The following PPP2R1B variants were observed in gnomAD, a reference collection of about 807,000 sequenced individuals.
The protein encoded by PPP2R1B is serine/threonine-protein phosphatase 2A 65 kDa regulatory subunit A beta isoform.
Under a neutral mutation model 72.7 loss-of-function variants are expected in PPP2R1B, and 58 were observed. The ratio of observed to expected loss-of-function variants is 0.80; its 90% CI spans 0.65 to 0.99. The LOEUF (loss-of-function observed/expected upper bound fraction) is 0.99, where lower values mean the gene tolerates loss of function less well. PPP2R1B is among the 50% of genes least tolerant of loss of function. The pLI, the probability that PPP2R1B is intolerant of heterozygous loss-of-function variation, is 0.00. For synonymous variants in PPP2R1B, 256 were observed against 264.6 expected (o/e 0.97, Z 0.32); for missense variants, 695 against 733.6 (o/e 0.95, Z 0.61).
chr11:111,743,679 G>T, intron 11 of PPP2R1B, 149 bp from the exon 12 acceptor site: 1 of 1,002,644 alleles, frequency 1.0e-6, no homozygotes, highest in Non-Finnish European at 1.4e-6. Flanking sequence ...TGACAAGCAT[G>T]CTCAGCTCCA....
downstream of PPP2R1B, among the ~76,000 whole-genome samples, chr11:111,734,888 T>C (rs1478186663): frequency 1.3e-5 from 2 of 152,170 alleles, no homozygotes; most frequent in Admixed American, 6.5e-5. Flanking sequence ...TGCAGCTAGA[T>C]GCTAGAGGCT....
intron 10 of PPP2R1B, 85 bp downstream of exon 10, chr11:111,752,074 T>C: frequency 1.4e-6 from 2 of 1,388,408 alleles, no homozygotes; most frequent in Non-Finnish European, 1.9e-6. Context: ...AACATAAGCA[T>C]ACAGGCTACT....
chr11:111,766,029 C>T, intron 1 of PPP2R1B: 2 of 594,264 alleles, frequency 3.4e-6, no homozygotes, highest in Non-Finnish European at 6.1e-6. Flanking sequence ...GGGCGGACGC[C>T]TCAGGGGGTC....
At chr11:111,760,301 G>C (rs1239631297) in intron 4 of PPP2R1B, among the ~76,000 whole-genome samples, 1 of 152,086 alleles carries the variant, frequency 6.6e-6, no homozygotes, top group Non-Finnish European at 1.5e-5. Flanking sequence ...TCCCACCTCA[G>C]CCTTCTGAGT....
chr11:111,754,909 G>T (rs781798980), intron 7 of PPP2R1B, 71 bp downstream of exon 7: 7 of 1,369,860 alleles, frequency 5.1e-6, no homozygotes, highest in Non-Finnish European at 7.1e-6. Flanking sequence ...CAAAAAACAT[G>T]CAAAATTGAC....
chr11:111,742,495 A>G, intron 13 of PPP2R1B, 28 bp downstream of exon 13: 1 of 1,601,416 alleles, frequency 6.2e-7, no homozygotes, highest in Non-Finnish European at 8.5e-7. Flanking sequence ...GTACACTTTT[A>G]AAACAAGACT....
At chr11:111,719,505 A>C in the PPP2R1B span, among the ~76,000 whole-genome samples, 2 of 152,164 alleles carry the variant, frequency 1.3e-5, no homozygotes, top group Middle Eastern at 3.4e-3. Context: ...AAACCACTAA[A>C]AAAGTTGTTT....
intron 5 of PPP2R1B, among the ~76,000 whole-genome samples, chr11:111,758,935 T>C (rs1457027526): frequency 6.6e-6 from 1 of 152,182 alleles, no homozygotes; most frequent in Non-Finnish European, 1.5e-5. Flanking sequence ...TGAGACTCAT[T>C]AATATGTGTC....
downstream of PPP2R1B, chr11:111,737,479 CT>C: frequency 6.2e-7 from 1 of 1,614,238 alleles, no homozygotes; most frequent in South Asian, 1.1e-5. Flanking sequence ...CACTGTGGGT[CT>C]TGGGAAGTGG....
the PPP2R1B span, among the ~76,000 whole-genome samples, chr11:111,706,280 A>G: frequency 1.3e-5 from 2 of 152,212 alleles, no homozygotes; most frequent in Admixed American, 1.3e-4. Context: ...GGAAGGGACA[A>G]TATGACTTAG....
In PPP2R1B at chr11:111,766,293, G is replaced by C. The variant is rs565819626; in HGVS notation, c.69C>G (p.Tyr23Ter). 1.4e-5 allele frequency: 22 copies of C among 1,591,892 alleles called. No individual in the cohort carries two copies. In the South Asian group the frequency reaches 2.3e-4, roughly 17 times the overall value. ...AAGGDGDDSL[Y>*]PIAVLIDELR... ...GCTCGTCGATTAAAACCGCGATCGG[G>C]TATAGCGAATCATCTCCATCTCCAC... Residue 23 changes from tyrosine to a stop codon, truncating the protein, a stop_gained, in exon 1 of 15, where the codon TAC (tyrosine) becomes TAG (stop). Coordinates refer to ENST00000527614, the MANE Select transcript of PPP2R1B (RefSeq NM_002716.5). LOFTEE classifies it high-confidence loss of function.
chr11:111,703,198 T>C, the PPP2R1B span: 14 of 1,613,702 alleles, frequency 8.7e-6, no homozygotes, highest in Non-Finnish European at 1.1e-5. Context: ...TTGTGTTTTC[T>C]ATAGATTGCG....
chr11:111,704,674 G>C, the PPP2R1B span, among the ~76,000 whole-genome samples: 1 of 152,170 alleles, frequency 6.6e-6, no homozygotes, highest in African/African-American at 2.4e-5. Context: ...GGGGCCATAT[G>C]GCAGCATTGG....
At chr11:111,731,375 T>C (rs535733335) in intron 15 of PPP2R1B, among the ~76,000 whole-genome samples, 13 of 152,330 alleles carry the variant, frequency 8.5e-5, no homozygotes, top group Non-Finnish European at 1.8e-4. Context: ...GCCTCGACAC[T>C]GCACGTGCGC....
At chr11:111,753,681 C>A (rs1246596638) in intron 8 of PPP2R1B, 104 bp from the exon 9 acceptor site, 2 of 1,277,866 alleles carry the variant, frequency 1.6e-6, no homozygotes, top group African/African-American at 1.5e-5. Context: ...GGCTGGAGTG[C>A]AGTGGCATGA....
chr11:111,742,327 T>A, intron 13 of PPP2R1B, 183 bp from the exon 14 acceptor site: 1 of 760,430 alleles, frequency 1.3e-6, no homozygotes, highest in South Asian at 2.0e-5. Context: ...CAGACAAGGA[T>A]CTACACATTT....
chr11:111,765,457 T>A, intron 1 of PPP2R1B, 73 bp from the exon 2 acceptor site: 2 of 1,230,518 alleles, frequency 1.6e-6, no homozygotes, highest in Non-Finnish European at 2.4e-6. Flanking sequence ...CAAAAGGTGC[T>A]AACAGGTGAA....
At chr11:111,712,201 A>G in the PPP2R1B span, 21 of 1,613,186 alleles carry the variant, frequency 1.3e-5, no homozygotes, top group Non-Finnish European at 1.7e-5. Context: ...TGTTCTTGCC[A>G]TATTTACAGG....
the PPP2R1B span, chr11:111,712,257 G>C: frequency 2.5e-6 from 4 of 1,614,198 alleles, no homozygotes; most frequent in Non-Finnish European, 3.4e-6. Context: ...CCGAACATGA[G>C]GCTGCTGCGA....
Sources: gnomAD v4.1 joint callset for allele counts (sites outside exome capture counted in the v4.1 genomes callset) on GRCh38, gnomAD v4.1.1 for gene constraint, MANE v1.5 for transcripts, NCBI Gene and HGNC (gene_info 2026-07-23, HGNC 2026-07-21) for gene names.